The following KIF13B variants were observed in gnomAD, a reference collection of about 807,000 sequenced individuals.
The protein encoded by KIF13B is kinesin-like protein KIF13B.
Under a neutral mutation model 222.0 loss-of-function variants are expected in KIF13B, and 127 were observed. The ratio of observed to expected loss-of-function variants is 0.57; its 90% CI spans 0.50 to 0.66. The LOEUF (loss-of-function observed/expected upper bound fraction) is 0.66, where lower values mean the gene tolerates loss of function less well. Among genes scored for constraint, KIF13B ranks in the 30% least tolerant of loss-of-function variants. The pLI, the probability that KIF13B is intolerant of heterozygous loss-of-function variation, is 0.00. For missense variants in KIF13B, 2,173 were observed against 2,379.0 expected (o/e 0.91, Z 1.80); for synonymous variants, 976 against 919.0 (o/e 1.06, Z -1.12).
chr8:29,195,029 T>C lies in KIF13B; in HGVS notation c.162+1158A>G, dbSNP rs183976337. 1.1e-4 allele frequency among the ~76,000 whole-genome samples: 17 copies of C among 152,096 alleles called. No homozygotes were observed. In the East Asian group the frequency reaches 1.9e-3, roughly 17 times the overall value. On this transcript the variant is annotated intron_variant, in intron 3 of 39. Coordinates refer to ENST00000524189, the MANE Select transcript of KIF13B (RefSeq NM_015254.4). ...TTGGGAGGCCGAGGTGGGTGCATCA[T>C]TTGAGGACAGGAGTTAAAGACCAGC...
At chr8:29,261,953 A>C (rs1816695313) in intron 1 of KIF13B, among the ~76,000 whole-genome samples, 2 of 152,318 alleles carry the variant, frequency 1.3e-5, no homozygotes, top group South Asian at 4.1e-4. Context: ...ATTAAACAAC[A>C]CTTGATTTTG....
chr8:29,204,002 G>C (rs995498574), intron 2 of KIF13B, among the ~76,000 whole-genome samples: 2 of 152,028 alleles, frequency 1.3e-5, no homozygotes, highest in Non-Finnish European at 2.9e-5. Flanking sequence ...GAAAAGGAAG[G>C]TTGTTTGAAA....
intron 4 of KIF13B, chr8:29,189,410 G>C (rs1208691854): frequency 6.6e-6 from 1 of 151,218 alleles, no homozygotes; most frequent in Non-Finnish European, 1.5e-5. Flanking sequence ...AAAACAATAT[G>C]ATGCTTAATA....
At chr8:29,122,098 C>CA (rs1388652411) in intron 29 of KIF13B, among the ~76,000 whole-genome samples, 1 of 151,618 alleles carries the variant, frequency 6.6e-6, no homozygotes, top group Non-Finnish European at 1.5e-5. Flanking sequence ...ACTAAAAATA[C>CA]AAAAAATTAG....
intron 1 of KIF13B, among the ~76,000 whole-genome samples, chr8:29,255,399 G>A (rs185657537): frequency 2.5e-4 from 38 of 152,170 alleles, no homozygotes; most frequent in Non-Finnish European, 5.4e-4. Flanking sequence ...GAAGACCCCA[G>A]CTCACCCAAT....
intron 2 of KIF13B, among the ~76,000 whole-genome samples, chr8:29,221,383 A>C (rs536007908): frequency 6.6e-6 from 1 of 150,780 alleles, no homozygotes; most frequent in Admixed American, 6.6e-5. Context: ...GATTACAGGC[A>C]TGAGCCACCG....
At chr8:29,113,234 T>C (rs1366379548) in intron 32 of KIF13B, among the ~76,000 whole-genome samples, 3 of 152,224 alleles carry the variant, frequency 2.0e-5, no homozygotes, top group Admixed American at 6.5e-5. Flanking sequence ...TAAGAAGGTG[T>C]TGATTTGCTT....
chr8:29,219,835 G>A (rs370008460), intron 2 of KIF13B, among the ~76,000 whole-genome samples: 9 of 152,248 alleles, frequency 5.9e-5, no homozygotes, highest in East Asian at 5.8e-4. Flanking sequence ...GGCCAAGGCA[G>A]GCAGATCGCT....
chr8:29,211,678 T>C (rs1464823632), intron 2 of KIF13B, among the ~76,000 whole-genome samples: 2 of 152,316 alleles, frequency 1.3e-5, no homozygotes, highest in African/African-American at 4.8e-5. Context: ...TGAGGAAGCA[T>C]GTGTAAGCTG....
At chr8:29,235,361 T>A (rs1260821599) in intron 2 of KIF13B, among the ~76,000 whole-genome samples, 1 of 152,170 alleles carries the variant, frequency 6.6e-6, no homozygotes, top group Non-Finnish European at 1.5e-5. Flanking sequence ...ATTGCTAGAA[T>A]ACTGAACTCC....
rs1811243169 is a variant in KIF13B, at chr8:29,150,360, A to G, written c.1559T>C (p.Val520Ala). The part of the protein sequence containing the change: ...NTRTFVNGSS[V>A]SSPIQLHHGD... ...ATGGTGTAGCTGTATTGGACTGGAG[A>G]CAGATGACCCATTTACAAATGTTCT... The change falls in exon 15 of 40, where the codon GTC becomes GCC. Residue 520 changes from valine (V) to alanine (A), a missense_variant. Around this residue, in one of 2 missense-constraint regions of KIF13B, gnomAD observed 1,480 missense variants for 1,722.8 expected, o/e 0.86. Coordinates refer to ENST00000524189, the MANE Select transcript of KIF13B (RefSeq NM_015254.4). The G allele has an allele frequency of 6.3e-7, 1 of 1,584,246 alleles. No individual in the cohort carries two copies. Among genetic ancestry groups the G allele is most frequent in the African/African-American group, 1.3e-5 (1 of 74,368 alleles).
chr8:29,166,710 A>AAG (rs1248765256), intron 11 of KIF13B, among the ~76,000 whole-genome samples: 2 of 151,784 alleles, frequency 1.3e-5, no homozygotes, highest in Non-Finnish European at 2.9e-5. Context: ...ACCTCAAAAA[A>AAG]AAAAAAAAAA....
intron 38 of KIF13B, among the ~76,000 whole-genome samples, chr8:29,073,285 G>C (rs938381347): frequency 7.2e-5 from 11 of 152,292 alleles, no homozygotes; most frequent in African/African-American, 2.6e-4. Context: ...CTGGAGAGAG[G>C]CCAGGAAGCA....
Position 29,155,778 on chromosome 8 carries a change from T to C in KIF13B, c.1483A>G (p.Ile495Val), listed in dbSNP as rs377395370. Residue 495 changes from isoleucine (I) to valine (V), a missense_variant, in exon 14 of 40, where the codon ATA becomes GTA. Physicochemically the swap from Ile to Val is conservative, Grantham distance 29 (BLOSUM62 3). Coordinates refer to ENST00000524189, the MANE Select transcript of KIF13B (RefSeq NM_015254.4). The stretch of plus-strand genomic sequence containing the variant: ...ACCTGGCCTTCTGACGTGATGTCTA[T>C]AATACAGTGTTCAGGAAGAATTCCC... ...GMGILPEHCI[I>V]DITSEGQVML... 7.0e-5 allele frequency: 112 copies of C among 1,601,328 alleles called. 1 individual carries two copies. The Middle Eastern group carries it at 9.9e-4, about 14-fold the overall frequency.
chr8:29,076,519 C>T (rs1001750739), intron 37 of KIF13B, among the ~76,000 whole-genome samples: 18 of 152,306 alleles, frequency 1.2e-4, no homozygotes, highest in Non-Finnish European at 2.2e-4. Context: ...AGCCTGCAGG[C>T]GCGAGCCACA....
intron 17 of KIF13B, among the ~76,000 whole-genome samples, chr8:29,146,968 A>G (rs1022830267): frequency 6.6e-6 from 1 of 152,248 alleles, no homozygotes; most frequent in Non-Finnish European, 1.5e-5. Flanking sequence ...AGGCATTTCA[A>G]TGCAATGCTA....
At chr8:29,107,647 C>A (rs370003624) in intron 35 of KIF13B, among the ~76,000 whole-genome samples, 1 of 151,410 alleles carries the variant, frequency 6.6e-6, no homozygotes, top group African/African-American at 2.4e-5. Context: ...GCAGGCTCCG[C>A]CCCCCGGGGT....
intron 2 of KIF13B, among the ~76,000 whole-genome samples, chr8:29,216,371 C>T (rs1033952682): frequency 6.6e-6 from 1 of 152,150 alleles, no homozygotes; most frequent in African/African-American, 2.4e-5. Context: ...CCAAGGCAGG[C>T]AGATCACTTG....
At chr8:29,149,300 T>C (rs1238537589) in intron 15 of KIF13B, among the ~76,000 whole-genome samples, 2 of 152,196 alleles carry the variant, frequency 1.3e-5, no homozygotes, top group African/African-American at 2.4e-5. Context: ...AAAAAAATGC[T>C]CCATGCTCTT....
Sources: allele counts gnomAD v4.1 joint callset (sites outside exome capture counted in the v4.1 genomes callset), GRCh38; gene constraint gnomAD v4.1.1; regional missense constraint gnomAD v4.1.1; transcripts MANE v1.5; gene names NCBI Gene and HGNC (gene_info 2026-07-23, HGNC 2026-07-21).